The following CHST15 variants were observed in gnomAD, a reference collection of about 807,000 sequenced individuals.
CHST15 encodes the protein B cell RAG associated protein (GALNAC4S-6ST).
A neutral mutation model predicts 53.6 loss-of-function variants in CHST15; 30 were observed. The observed-to-expected ratio is 0.56, with a 90% CI of 0.42 to 0.76. CHST15 has a LOEUF of 0.76. Ranked by LOEUF, CHST15 falls within the 30% of genes least tolerant of loss-of-function variation. The pLI is 0.00. For missense variants in CHST15, 627 were observed against 740.5 expected, an observed-to-expected ratio of 0.85 and a Z score of 1.78; for synonymous variants, 296 against 289.8, an observed-to-expected ratio of 1.02 and a Z score of -0.22.
chr10:124,086,405 A>C (rs1050368948), intron 1 of CHST15, among the ~76,000 whole-genome samples: 3 of 152,190 alleles, frequency 2.0e-5, no homozygotes, highest in African/African-American at 7.2e-5. Flanking sequence ...TGTTGTCTAT[A>C]CGTGGTGGTT....
At chr10:124,011,638 C>G (rs1200039497) in intron 7 of CHST15, 1 of 985,448 alleles carries the variant, frequency 1.0e-6, no homozygotes, top group East Asian at 1.1e-4. Flanking sequence ...GCTCCGCCAG[C>G]ACATGCCTCT....
chr10:124,024,344 G>A lies in CHST15; in HGVS notation c.1191-2932C>T, dbSNP rs1946910286. 6.6e-6 allele frequency among the ~76,000 whole-genome samples: 1 copy of A among 152,138 alleles called. No homozygotes were observed. The highest frequency in any genetic ancestry group is 2.4e-5 in the African/African-American group (1 of 41,420). ...CTCCGTAGCCCACCTTGGCACATCG[G>A]GTGCCTCTGACACAGCCCTCTAGAA... On this transcript the variant is annotated intron_variant, in intron 5 of 7. Transcript: ENST00000435907. The surrounding 1 kb of genome is among the most constrained non-coding windows in gnomAD (Gnocchi z 4.0).
intron 3 of CHST15, among the ~76,000 whole-genome samples, chr10:124,043,937 G>C (rs1297595209): frequency 6.6e-6 from 1 of 151,202 alleles, no homozygotes; most frequent in Non-Finnish European, 1.5e-5. Flanking sequence ...ACAGCACAGA[G>C]CAGGGGAACA....
chr10:124,008,342 CGT>C lies in CHST15; in HGVS notation c.*1805_*1806del. On this transcript the variant is annotated 3_prime_UTR_variant, in exon 8 of 8. Transcript: ENST00000435907. ...GAAGACGCACTCACCCACACGTGCG[CGT>C]ACACACACACACACGCGCGCACTGT... is the stretch of plus-strand genomic sequence containing the variant. The C allele has an allele frequency of 9.4e-7, 1 of 1,068,938 alleles. No homozygotes were observed. The highest frequency in any genetic ancestry group is 1.1e-6 in the Non-Finnish European group (1 of 885,242). 66.2% of individuals were successfully genotyped at this position (1,068,938 alleles called of 1,614,324 possible). A position where few individuals can be genotyped will look rare whatever the true frequency, so the allele number is the denominator to read the frequency against.
At position 124,024,055 on chromosome 10, in the gene CHST15, G is replaced by C. The variant is rs1946898871; in HGVS notation, c.1191-2643C>G. Among the ~76,000 whole-genome samples, 1 of 152,114 alleles carries C rather than the reference G, an allele frequency of 6.6e-6. No homozygotes were observed. The highest frequency in any genetic ancestry group is 6.5e-5 in the Admixed American group (1 of 15,278). On this transcript the variant is annotated intron_variant, in intron 5 of 7. Coordinates refer to ENST00000435907, the MANE Select transcript of CHST15 (RefSeq NM_001270764.2). This position sits in a 1 kb window ranked among gnomAD's most constrained non-coding sequence, Gnocchi z 4.0. ...GGACAGGGTTTCACTGTGTTGGCCA[G>C]GCTGGTCTCGAACTCCAGACCTCAG...
intron 6 of CHST15, chr10:124,021,033 G>T (rs1181036571): frequency 1.4e-6 from 2 of 1,431,854 alleles, no homozygotes; most frequent in Admixed American, 5.8e-5. Flanking sequence ...GGAGGGGGAG[G>T]TGGCAGGTGA....
At chr10:124,085,771 G>A (rs1481173924) in intron 1 of CHST15, among the ~76,000 whole-genome samples, 2 of 152,050 alleles carry the variant, frequency 1.3e-5, no homozygotes, top group Admixed American at 6.5e-5. Context: ...AGAGGAGGAA[G>A]GATCCACACC....
chr10:124,017,982 G>A (rs1249895056), intron 6 of CHST15, among the ~76,000 whole-genome samples: 3 of 152,226 alleles, frequency 2.0e-5, no homozygotes, highest in African/African-American at 7.2e-5. Context: ...TCACCTGGCC[G>A]GCTGGGGCCG....
At chr10:124,063,153 C>T (rs1340757951) in intron 1 of CHST15, among the ~76,000 whole-genome samples, 3 of 152,092 alleles carry the variant, frequency 2.0e-5, no homozygotes, top group African/African-American at 7.2e-5. Context: ...GAGGCCGAGG[C>T]GGGTGGATCA....
intron 1 of CHST15, among the ~76,000 whole-genome samples, chr10:124,062,736 C>T (rs968346456): frequency 2.0e-5 from 3 of 151,994 alleles, no homozygotes; most frequent in Non-Finnish European, 4.4e-5. Flanking sequence ...AATCAGTGGC[C>T]GAATACTTTT....
In CHST15 at chr10:124,008,092, T is replaced by G. The variant is rs1001492828; in HGVS notation, c.*2057A>C. On this transcript the variant is annotated 3_prime_UTR_variant, in exon 8 of 8. Coordinates refer to ENST00000435907, the MANE Select transcript of CHST15 (RefSeq NM_001270764.2). The stretch of plus-strand genomic sequence containing the variant: ...ATCCGCATAATAAACCAAATAATAT[T>G]GGAAATAATACCTTCAGTAATACTT... 9.7e-6 allele frequency: 12 copies of G among 1,231,868 alleles called. No homozygotes were observed. Among genetic ancestry groups the G allele is most frequent in the African/African-American group, 3.1e-5 (2 of 64,402 alleles). 76.3% of individuals were successfully genotyped at this position (1,231,868 alleles called of 1,614,324 possible). A position where few individuals can be genotyped will look rare whatever the true frequency, so the allele number is the denominator to read the frequency against.
intron 1 of CHST15, among the ~76,000 whole-genome samples, chr10:124,086,800 AT>A (rs1375898642): frequency 6.6e-6 from 1 of 152,138 alleles, no homozygotes; most frequent in Non-Finnish European, 1.5e-5. Context: ...CCAGGTAGAG[AT>A]CATTAACCCC....
At position 124,019,881 on chromosome 10, in the gene CHST15, T is replaced by C; in HGVS notation, c.1347+1375A>G. The C allele has an allele frequency of 2.0e-6, 2 of 985,990 alleles. No individual in the cohort carries two copies. Among genetic ancestry groups the C allele is most frequent in the Non-Finnish European group, 2.4e-6 (2 of 830,358 alleles). 61.1% of individuals were successfully genotyped at this position (985,990 alleles called of 1,614,324 possible). On this transcript the variant is annotated intron_variant, in intron 6 of 7. Transcript: ENST00000435907. The surrounding 1 kb of genome is among the most constrained non-coding windows in gnomAD (Gnocchi z 4.6). The stretch of plus-strand genomic sequence containing the variant: ...CCCCCCATCTCCCACACCAGGCGGC[T>C]GGCTGCGTTCTGTATGGTAGGTGGT...
At chr10:124,081,378 ATG>A (rs1465263680) in intron 1 of CHST15, among the ~76,000 whole-genome samples, 9 of 72,768 alleles carry the variant, frequency 1.2e-4, no homozygotes, top group African/African-American at 4.2e-4. Context: ...ACATGCACGC[ATG>A]CACACACACA....
chr10:124,024,558 C>A lies in CHST15; in HGVS notation c.1191-3146G>T, dbSNP rs80320320. On this transcript the variant is annotated intron_variant, in intron 5 of 7. Transcript: ENST00000435907. The surrounding 1 kb of genome is among the most constrained non-coding windows in gnomAD (Gnocchi z 4.0). ...CTCGGTGGCCACTGAGTAGATTTCC[C>A]CAGATCCACACTCGCCTGAGAATAT... Among the ~76,000 whole-genome samples, 3,506 of 152,202 alleles carry A rather than the reference C, an allele frequency of 0.023. 150 individuals are homozygous for A. Among genetic ancestry groups the A allele is most frequent in the African/African-American group, 0.079 (3,293 of 41,508 alleles).
At chr10:124,055,353 C>A (rs1948340484) in intron 1 of CHST15, among the ~76,000 whole-genome samples, 1 of 152,038 alleles carries the variant, frequency 6.6e-6, no homozygotes, top group Non-Finnish European at 1.5e-5. Flanking sequence ...TAAGAGCTCA[C>A]AAGGAGGGGG....
intron 1 of CHST15, among the ~76,000 whole-genome samples, chr10:124,058,847 C>T (rs745856294): frequency 7.2e-5 from 11 of 152,214 alleles, no homozygotes; most frequent in Non-Finnish European, 1.6e-4. Flanking sequence ...ACAGTGACAC[C>T]AGCTAACATG....
At chr10:124,047,020 C>T (rs924032061) in intron 1 of CHST15, among the ~76,000 whole-genome samples, 1 of 152,222 alleles carries the variant, frequency 6.6e-6, no homozygotes, top group African/African-American at 2.4e-5. Context: ...AATCCCTCTG[C>T]CTTGATACTT....
intron 5 of CHST15, among the ~76,000 whole-genome samples, chr10:124,023,192 A>C (rs1040931656): frequency 7.2e-5 from 11 of 152,200 alleles, no homozygotes; most frequent in Non-Finnish European, 1.3e-4. Context: ...TGCCATTTTA[A>C]TAAATGTCAG....
Sources: gnomAD v4.1 joint callset for allele counts (sites outside exome capture counted in the v4.1 genomes callset) on GRCh38, gnomAD v4.1.1 for gene constraint, Gnocchi (gnomAD v3.1) non-coding constraint, MANE v1.5 for transcripts, NCBI Gene and HGNC (gene_info 2026-07-23, HGNC 2026-07-21) for gene names.